The following CPNE8 variants were observed in gnomAD, a reference collection of about 807,000 sequenced individuals.
The protein encoded by CPNE8 is copine-8.
CPNE8 carries 45 observed loss-of-function variants against 81.5 expected under a neutral mutation model. The observed-to-expected ratio is 0.55, with a 90% confidence interval of 0.44 to 0.71. CPNE8 has a LOEUF of 0.71. Ranked by LOEUF, CPNE8 falls within the 30% of genes least tolerant of loss-of-function variation. CPNE8 has a pLI of 0.00. For synonymous variants in CPNE8, 252 were observed against 226.3 expected, an observed-to-expected ratio of 1.11 and a Z score of -1.02; for missense variants, 594 against 672.1, an observed-to-expected ratio of 0.88 and a Z score of 1.28.
chr12:38,797,627 T>C (rs1430295810), intron 6 of CPNE8, among the ~76,000 whole-genome samples: 1 of 152,054 alleles, frequency 6.6e-6, no homozygotes, highest in Non-Finnish European at 1.5e-5. Flanking sequence ...CTGGAAACTC[T>C]AAAAAGCAGA....
intron 13 of CPNE8, among the ~76,000 whole-genome samples, chr12:38,715,391 G>A (rs761175816): frequency 1.3e-5 from 2 of 151,938 alleles, no homozygotes; most frequent in South Asian, 2.1e-4. Context: ...TTTTGATGAC[G>A]TCAAGCTTTA....
At chr12:38,674,306 T>C (rs1374903554) in intron 18 of CPNE8, among the ~76,000 whole-genome samples, 2 of 152,128 alleles carry the variant, frequency 1.3e-5, no homozygotes, top group Non-Finnish European at 2.9e-5. Flanking sequence ...GATTGAGGTT[T>C]ACCATCTCTG....
At chr12:38,857,888 C>T (rs1007086318) in intron 3 of CPNE8, among the ~76,000 whole-genome samples, 3 of 152,190 alleles carry the variant, frequency 2.0e-5, no homozygotes, top group African/African-American at 7.2e-5. Flanking sequence ...AAGAGCAAGA[C>T]TCTGTCTAAA....
At chr12:38,767,798 G>T in intron 7 of CPNE8, 60 bp from the exon 8 acceptor site, 2 of 999,736 alleles carry the variant, frequency 2.0e-6, no homozygotes, top group Non-Finnish European at 2.9e-6. Context: ...AGAAACTGCA[G>T]ATCAGAAACA....
Position 38,685,564 on chromosome 12 carries a change from A to G in CPNE8, c.1197T>C (p.Ala399=). The G allele has an allele frequency of 6.2e-7, 1 of 1,613,674 alleles. No individual in the cohort carries two copies. The highest frequency in any genetic ancestry group is 8.5e-7 in the Non-Finnish European group (1 of 1,179,670). ...GTACAGATTTCAGACTCCTGTAATA[A>G]GCCTCCATGACCCCCTCAATGCCAT... ...YCDGIEGVME[A]YYRSLKSVQL... The change falls in exon 16 of 20, where the codon GCT becomes GCC. Residue 399 remains alanine, a synonymous_variant. Coordinates refer to ENST00000331366, the MANE Select transcript of CPNE8 (RefSeq NM_153634.3).
chr12:38,803,762 A>C (rs1942748747), intron 6 of CPNE8, among the ~76,000 whole-genome samples: 1 of 138,094 alleles, frequency 7.2e-6, no homozygotes, highest in South Asian at 2.7e-4. Context: ...AGAAAACCCC[A>C]ACGTCTCAGC....
intron 4 of CPNE8, among the ~76,000 whole-genome samples, chr12:38,846,833 C>T (rs963797938): frequency 6.6e-6 from 1 of 151,926 alleles, no homozygotes; most frequent in African/African-American, 2.4e-5. Context: ...AAACTCACTG[C>T]AGGATTATAT....
chr12:38,861,637 T>C (rs866076706), intron 3 of CPNE8, among the ~76,000 whole-genome samples: 3 of 152,076 alleles, frequency 2.0e-5, no homozygotes, highest in Non-Finnish European at 2.9e-5. Context: ...AAACTTTTTG[T>C]CAGAAATGCT....
chr12:38,704,328 T>C (rs1041104972), intron 13 of CPNE8, among the ~76,000 whole-genome samples: 3 of 152,156 alleles, frequency 2.0e-5, no homozygotes, highest in Non-Finnish European at 2.9e-5. Flanking sequence ...GACACTAGTC[T>C]CCCATTGCTT....
intron 2 of CPNE8, among the ~76,000 whole-genome samples, chr12:38,873,928 T>C (rs1163673769): frequency 6.6e-6 from 1 of 152,114 alleles, no homozygotes; most frequent in Non-Finnish European, 1.5e-5. Flanking sequence ...TTGTAAATTG[T>C]ATATACCACT....
intron 19 of CPNE8, among the ~76,000 whole-genome samples, chr12:38,664,984 A>T (rs1939034752): frequency 1.3e-5 from 2 of 152,088 alleles, no homozygotes; most frequent in African/African-American, 4.8e-5. Flanking sequence ...CCTAAACTAA[A>T]CCTTTTCCAA....
chr12:38,874,992 T>A (rs1357786864), intron 1 of CPNE8, among the ~76,000 whole-genome samples: 1 of 152,184 alleles, frequency 6.6e-6, no homozygotes, highest in Non-Finnish European at 1.5e-5. Flanking sequence ...TTGTGTTACA[T>A]CAACCCTGAT....
chr12:38,656,723 C>G (rs1207822302), intron 19 of CPNE8, among the ~76,000 whole-genome samples: 1 of 152,084 alleles, frequency 6.6e-6, no homozygotes, highest in Non-Finnish European at 1.5e-5. Context: ...AACACAAATT[C>G]TTCTCAAACT....
chr12:38,787,206 T>C (rs908500123), intron 6 of CPNE8, among the ~76,000 whole-genome samples: 1 of 151,992 alleles, frequency 6.6e-6, no homozygotes, highest in Admixed American at 6.6e-5. Flanking sequence ...ATATTTTATG[T>C]CACAAAACAA....
intron 10 of CPNE8, among the ~76,000 whole-genome samples, chr12:38,754,001 ACTT>A (rs1420718090): frequency 6.6e-6 from 1 of 152,310 alleles, no homozygotes; most frequent in Non-Finnish European, 1.5e-5. Context: ...GAAACAAATA[ACTT>A]CAATATAAAT....
At chr12:38,742,039 G>A (rs1046202487) in intron 10 of CPNE8, among the ~76,000 whole-genome samples, 5 of 152,164 alleles carry the variant, frequency 3.3e-5, no homozygotes, top group African/African-American at 1.2e-4. Context: ...TGCTGGAGAG[G>A]ATGTGGAGAA....
At chr12:38,806,461 T>A (rs1436706844) in intron 6 of CPNE8, among the ~76,000 whole-genome samples, 7 of 149,878 alleles carry the variant, frequency 4.7e-5, no homozygotes, top group Non-Finnish European at 8.9e-5. Context: ...TGCAAATCAA[T>A]AAATGTAATC....
At chr12:38,740,566 C>A (rs1413636544) in intron 10 of CPNE8, among the ~76,000 whole-genome samples, 1 of 152,070 alleles carries the variant, frequency 6.6e-6, no homozygotes, top group African/African-American at 2.4e-5. Flanking sequence ...GAGATACGTC[C>A]CATCAATACC....
At chr12:38,893,320 C>T (rs1185077277) in intron 1 of CPNE8, among the ~76,000 whole-genome samples, 1 of 152,100 alleles carries the variant, frequency 6.6e-6, no homozygotes, top group Non-Finnish European at 1.5e-5. Flanking sequence ...AAAGACCTTG[C>T]TGATAAAACA....
Sources: gnomAD v4.1 joint callset for allele counts (sites outside exome capture counted in the v4.1 genomes callset) on GRCh38, gnomAD v4.1.1 for gene constraint, MANE v1.5 for transcripts, NCBI Gene and HGNC (gene_info 2026-07-23, HGNC 2026-07-21) for gene names.